CSRP3: variants seen among roughly 807,000 people sequenced by gnomAD.
CSRP3 encodes the protein cysteine and glycine rich protein 3, also known as cysteine and glycine-rich protein 3.
CSRP3 carries 24 observed loss-of-function variants against 24.3 expected under a neutral mutation model. The observed-to-expected ratio is 0.99, with a 90% CI of 0.71 to 1.39. The LOEUF (loss-of-function observed/expected upper bound fraction) is 1.39, where lower values mean the gene tolerates loss of function less well. Among genes scored for constraint, CSRP3 ranks in the 40% most tolerant of loss-of-function variants. The pLI is 0.00. For synonymous variants in CSRP3, 105 were observed against 94.0 expected (o/e 1.12, Z -0.68); for missense variants, 240 against 249.0 (o/e 0.96, Z 0.24).
At chr11:19,196,191 AG>A (rs1850699920) in intron 1 of CSRP3, among the ~76,000 whole-genome samples, 1 of 152,224 alleles carries the variant, frequency 6.6e-6, no homozygotes, top group African/African-American at 2.4e-5. Context: ...TGAACCCAGG[AG>A]GTGGAAGTTG....
chr11:19,193,076 A>G (rs2133517322), intron 1 of CSRP3, among the ~76,000 whole-genome samples: 1 of 152,254 alleles, frequency 6.6e-6, no homozygotes, highest in Non-Finnish European at 1.5e-5. Flanking sequence ...TAATATATAA[A>G]ATCTCCTATT....
Position 19,182,580 on chromosome 11 carries a change from A to G in CSRP3, c.*90T>C. The G allele has an allele frequency of 9.5e-7, 1 of 1,050,782 alleles. No individual in the cohort carries two copies. The highest frequency in any genetic ancestry group is 1.5e-6 in the Non-Finnish European group (1 of 665,692). The allele number at this position is 1,050,782 out of a possible 1,614,324, so 65.1% of individuals were successfully genotyped here. A position where few individuals can be genotyped will look rare whatever the true frequency, so the allele number is the denominator to read the frequency against. On this transcript the variant is annotated 3_prime_UTR_variant, in exon 6 of 6. Coordinates refer to ENST00000265968, the MANE Select transcript of CSRP3 (RefSeq NM_003476.5). The stretch of plus-strand genomic sequence containing the variant: ...AACACATAATGTACGACTACAAAGG[A>G]GAGGCTATTTGGGGAAAGGTATCGA...
chr11:19,191,107 T>C (rs117616495), intron 2 of CSRP3, among the ~76,000 whole-genome samples: 2 of 152,280 alleles, frequency 1.3e-5, no homozygotes, highest in East Asian at 3.9e-4. Flanking sequence ...ACCTGTGCAG[T>C]AGGTATAATC....
intron 1 of CSRP3, among the ~76,000 whole-genome samples, chr11:19,194,495 G>A (rs1404071089): frequency 6.6e-6 from 1 of 152,150 alleles, no homozygotes; most frequent in African/African-American, 2.4e-5. Context: ...GGGCAACATA[G>A]TGAGGCCCCT....
intron 2 of CSRP3, 50 bp downstream of exon 2, chr11:19,192,287 G>T: frequency 8.0e-7 from 1 of 1,244,972 alleles, no homozygotes; most frequent in Non-Finnish European, 1.2e-6. Context: ...TGTGAATTTT[G>T]TGATGCTGTC....
rs935934212 is a variant in CSRP3 at position 19,192,440 on chromosome 11, G to C, written c.9C>G (p.Asn3Lys). The C allele has an allele frequency of 1.2e-6, 2 of 1,614,002 alleles. No individual in the cohort carries two copies. Among genetic ancestry groups the C allele is most frequent in the Non-Finnish European group, 1.7e-6 (2 of 1,179,848 alleles). Residue 3 changes from asparagine (N) to lysine (K), a missense_variant, in exon 2 of 6, where the codon AAC (asparagine) becomes AAG (lysine). By Grantham distance (94) the Asn-to-Lys change is moderately conservative. Transcript: ENST00000265968. MP[N>K]WGGGAKCGAC... ...CTCCACATTTTGCGCCTCCGCCCCA[G>C]TTTGGCATCTTGAAGACTATCTGGT...
chr11:19,184,281 G>A (rs1850488070), intron 5 of CSRP3, among the ~76,000 whole-genome samples: 1 of 152,170 alleles, frequency 6.6e-6, no homozygotes, highest in Admixed American at 6.5e-5. Flanking sequence ...GCTCAGGGGT[G>A]GAGGACGCAT....
At chr11:19,197,566 T>TCTTTCTTTCTTTCTTG (rs1850760710) in intron 1 of CSRP3, among the ~76,000 whole-genome samples, 2 of 144,744 alleles carry the variant, frequency 1.4e-5, no homozygotes, top group East Asian at 4.1e-4. Flanking sequence ...TTTCTTTCTT[T>TCTTTCTTTCTTTCTTG]CTTTCTTTCT....
At chr11:19,182,826 G>A in intron 5 of CSRP3, 80 bp from the exon 6 acceptor site, 1 of 995,858 alleles carries the variant, frequency 1.0e-6, no homozygotes, top group South Asian at 1.3e-5. Context: ...TCTGAGCACA[G>A]TCCTTTTAAT....
intron 3 of CSRP3, among the ~76,000 whole-genome samples, chr11:19,186,576 A>G (rs1235019078): frequency 6.6e-6 from 1 of 152,202 alleles, no homozygotes; most frequent in Non-Finnish European, 1.5e-5. Context: ...AGGGCTAATA[A>G]ATGTTTGCTA....
chr11:19,201,167 C>T (rs1281712649), intron 1 of CSRP3, among the ~76,000 whole-genome samples: 1 of 152,190 alleles, frequency 6.6e-6, no homozygotes, highest in African/African-American at 2.4e-5. Context: ...TGACTAAAAC[C>T]TAGAGGAAAC....
intron 1 of CSRP3, among the ~76,000 whole-genome samples, chr11:19,199,244 G>A (rs1274341603): frequency 6.6e-6 from 1 of 152,106 alleles, no homozygotes; most frequent in East Asian, 1.9e-4. Context: ...GACATTCAAG[G>A]TCAGTGGCTG....
chr11:19,197,411 T>C (rs1182972418), intron 1 of CSRP3, among the ~76,000 whole-genome samples: 4 of 77,806 alleles, frequency 5.1e-5, no homozygotes, highest in African/African-American at 2.3e-4. Flanking sequence ...CCTTCCTTCC[T>C]TCCTTCCTTC....
In CSRP3 at chr11:19,182,048, C is replaced by G. The variant is rs1225992534; in HGVS notation, c.*622G>C. On this transcript the variant is annotated 3_prime_UTR_variant, in exon 6 of 6. Transcript: ENST00000265968. ...CCTCATGTCATTTATAATACAGAGG[C>G]AAATGCCACGCTTTATTGTCATTTC... The G allele has an allele frequency of 1.3e-5, 2 of 152,782 alleles. No homozygotes were observed. The highest frequency in any genetic ancestry group is 2.9e-5 in the Non-Finnish European group (2 of 68,432). 9.5% of individuals were successfully genotyped at this position (152,782 alleles called of 1,614,324 possible). A position where few individuals can be genotyped will look rare whatever the true frequency, so the allele number is the denominator to read the frequency against.
chr11:19,199,623 A>G (rs1850802528), intron 1 of CSRP3, among the ~76,000 whole-genome samples: 1 of 152,156 alleles, frequency 6.6e-6, no homozygotes, highest in Non-Finnish European at 1.5e-5. Flanking sequence ...CTAGAACTTT[A>G]GTTTCTTCCT....
rs759269008 is a variant in CSRP3, at chr11:19,185,026, A to C, written c.434T>G (p.Phe145Cys). Reference protein sequence around the residue: ...GGGKPWHKTCFRCAICGKSLE... With the variant: ...GGGKPWHKTCCRCAICGKSLE... ...ACTCTTCCCACAGATGGCACAGCGG[A>C]AACAGGTCTTGTGCCAAGGCTGAGG... The change falls in exon 5 of 6, where the codon TTC becomes TGC. Residue 145 changes from phenylalanine (F) to cysteine (C), a missense_variant. Transcript: ENST00000265968. The C allele has an allele frequency of 1.2e-6, 2 of 1,614,196 alleles. No homozygotes were observed. Among genetic ancestry groups the C allele is most frequent in the Admixed American group, 3.3e-5 (2 of 60,036 alleles).
At chr11:19,192,834 C>A (rs1850638602) in intron 1 of CSRP3, among the ~76,000 whole-genome samples, 1 of 151,696 alleles carries the variant, frequency 6.6e-6, no homozygotes, top group South Asian at 2.1e-4. Flanking sequence ...AAAAAATTAT[C>A]CCATCAGAAC....
intron 3 of CSRP3, among the ~76,000 whole-genome samples, chr11:19,187,897 T>A (rs1333924853): frequency 6.6e-6 from 1 of 152,206 alleles, no homozygotes; most frequent in Non-Finnish European, 1.5e-5. Context: ...TCTCTTGACA[T>A]GCAAACCAAG....
At chr11:19,185,669 AT>A (rs1402604883) in intron 4 of CSRP3, among the ~76,000 whole-genome samples, 2 of 151,972 alleles carry the variant, frequency 1.3e-5, no homozygotes, top group African/African-American at 4.8e-5. Context: ...TATAAACATA[AT>A]TTTTCTCTTT....
Sources: allele counts gnomAD v4.1 joint callset (sites outside exome capture counted in the v4.1 genomes callset), GRCh38; gene constraint gnomAD v4.1.1; transcripts MANE v1.5; gene names NCBI Gene and HGNC (gene_info 2026-07-23, HGNC 2026-07-21).